Variants in MEAF6 observed in about 807,000 individuals in gnomAD.
The protein encoded by MEAF6 is chromatin modification-related protein MEAF6.
Under a neutral mutation model 28.9 loss-of-function variants are expected in MEAF6, and 15 were observed. That is an observed-to-expected ratio of 0.52 (90% CI 0.35 to 0.80). The LOEUF is 0.80. MEAF6 is among the 30% of genes least tolerant of loss of function. The pLI is 0.01. For synonymous variants in MEAF6, 97 were observed against 88.7 expected (o/e 1.09, Z -0.53); for missense variants, 178 against 237.5 (o/e 0.75, Z 1.65).
At position 37,493,953 on chromosome 1, in the gene MEAF6, G is replaced by C. The variant is rs1411597996; in HGVS notation, c.*146C>G. 7 of 1,575,270 alleles carry C rather than the reference G, an allele frequency of 4.4e-6. No individual in the cohort carries two copies. The highest frequency in any genetic ancestry group is 6.0e-6 in the Non-Finnish European group (7 of 1,163,966). On this transcript the variant is annotated 3_prime_UTR_variant, in exon 7 of 7. Transcript: ENST00000296214. The stretch of plus-strand genomic sequence containing the variant: ...AATGACTTGTTTGTCACCACATTTA[G>C]AACAAACTACTCAAAGTCACAGGCA...
intron 2 of MEAF6, among the ~76,000 whole-genome samples, chr1:37,511,599 C>A (rs1185162087): frequency 6.6e-6 from 1 of 152,162 alleles, no homozygotes; most frequent in Non-Finnish European, 1.5e-5. Context: ...AATAATAGGA[C>A]AATGTGACAT....
At position 37,513,421 on chromosome 1, in the gene MEAF6, A is replaced by T; in HGVS notation, c.206+2T>A. 6.2e-7 allele frequency: 1 copy of T among 1,611,678 alleles called. No homozygotes were observed. The highest frequency in any genetic ancestry group is 8.5e-7 in the Non-Finnish European group (1 of 1,177,834). On this transcript the variant is annotated splice_donor_variant, in intron 2 of 6. Transcript: ENST00000296214. LOFTEE classifies it high-confidence loss of function. ...GGAACACTACAGGCTTTCGACACTC[A>T]CTTTTGGTTGGTCAGATACCGATCC...
chr1:37,502,932 T>C (rs1417061515), intron 4 of MEAF6, among the ~76,000 whole-genome samples: 2 of 150,064 alleles, frequency 1.3e-5, no homozygotes, highest in Non-Finnish European at 3.0e-5. Context: ...GTAAGTTTTA[T>C]TTTATTTCAT....
intron 1 of MEAF6, 43 bp from the exon 2 acceptor site, chr1:37,513,581 G>A: frequency 6.9e-7 from 1 of 1,453,836 alleles, no homozygotes; most frequent in Non-Finnish European, 9.7e-7. Flanking sequence ...CCTTTTAAAT[G>A]CAAACACTTA....
chr1:37,507,831 A>G (rs1162331541), intron 4 of MEAF6, among the ~76,000 whole-genome samples: 5 of 152,180 alleles, frequency 3.3e-5, no homozygotes, highest in African/African-American at 1.2e-4. Context: ...TCTTAAAAAA[A>G]AAAAAAAAGA....
intron 6 of MEAF6, 131 bp from the exon 7 acceptor site, chr1:37,494,238 A>C: frequency 1.3e-6 from 1 of 790,942 alleles, no homozygotes; most frequent in Non-Finnish European, 2.1e-6. Context: ...ATTTCAGGCC[A>C]GGCACAGTGG....
Position 37,491,732 on chromosome 1 carries a change from T to A in MEAF6, c.*2367A>T, listed in dbSNP as rs1467076314. Among the ~76,000 whole-genome samples, 2 of 127,122 alleles carry A rather than the reference T, an allele frequency of 1.6e-5. No individual in the cohort carries two copies. The highest frequency in any genetic ancestry group is 8.2e-5 in the Admixed American group (1 of 12,158). 83.4% of individuals were successfully genotyped at this position (127,122 alleles called of 152,430 possible). Reference sequence around the variant, plus strand: ...TAAATAAATAAATAAATAAATAAAATATATAAATACTTAAATAATCTTTTT... The same window carrying A: ...TAAATAAATAAATAAATAAATAAAAAATATAAATACTTAAATAATCTTTTT... On this transcript the variant is annotated 3_prime_UTR_variant, in exon 7 of 7. Transcript: ENST00000296214.
chr1:37,496,881 A>G, intron 5 of MEAF6: 1 of 795,700 alleles, frequency 1.3e-6, no homozygotes, highest in Non-Finnish European at 1.8e-6. Flanking sequence ...ACATCAAAGC[A>G]CCAAAGATTT....
chr1:37,494,204 G>T (rs1028408548), intron 6 of MEAF6, 97 bp from the exon 7 acceptor site: 4 of 1,001,766 alleles, frequency 4.0e-6, no homozygotes, highest in South Asian at 1.4e-5. Context: ...TCTACTAGGG[G>T]ACTGCTCTAT....
At position 37,492,185 on chromosome 1, in the gene MEAF6, C is replaced by T. The variant is rs995997187; in HGVS notation, c.*1914G>A. Among the ~76,000 whole-genome samples, 19 of 152,190 alleles carry T rather than the reference C, an allele frequency of 1.2e-4. No individual in the cohort carries two copies. The highest frequency in any genetic ancestry group is 4.6e-4 in the African/African-American group (19 of 41,508). On this transcript the variant is annotated 3_prime_UTR_variant, in exon 7 of 7. Coordinates refer to ENST00000296214, the MANE Select transcript of MEAF6 (RefSeq NM_001270875.3). ...CTGGGACTACCGGCACCCGCCACCA[C>T]GCTCAGCTAATTTTTTGCATTTTTA...
chr1:37,495,524 C>A (rs1327998147), intron 6 of MEAF6, among the ~76,000 whole-genome samples: 2 of 150,418 alleles, frequency 1.3e-5, no homozygotes, highest in Non-Finnish European at 3.0e-5. Flanking sequence ...ATGGTGAAAC[C>A]CCATATCTAC....
At chr1:37,496,875 C>T in intron 5 of MEAF6, 1 of 807,332 alleles carries the variant, frequency 1.2e-6, no homozygotes, top group Non-Finnish European at 1.8e-6. Flanking sequence ...TATCAAACAT[C>T]AAAGCACCAA....
intron 2 of MEAF6, among the ~76,000 whole-genome samples, chr1:37,509,773 TTTAC>T (rs1642604609): frequency 1.3e-5 from 2 of 152,188 alleles, no homozygotes; most frequent in African/African-American, 4.8e-5. Flanking sequence ...TATTTATTTA[TTTAC>T]TTATTTATTT....
At chr1:37,507,085 A>C (rs1325533824) in intron 4 of MEAF6, among the ~76,000 whole-genome samples, 1 of 152,032 alleles carries the variant, frequency 6.6e-6, no homozygotes, top group East Asian at 1.9e-4. Flanking sequence ...TTTGGGAGGC[A>C]AAGGCAGATG....
intron 5 of MEAF6, among the ~76,000 whole-genome samples, chr1:37,499,934 T>C (rs1642243342): frequency 1.3e-5 from 2 of 152,206 alleles, no homozygotes; most frequent in Admixed American, 1.3e-4. Context: ...TAATCAGTAA[T>C]GGGAAAAAGT....
intron 6 of MEAF6, among the ~76,000 whole-genome samples, chr1:37,494,521 A>AG (rs1304265803): frequency 6.8e-6 from 1 of 148,130 alleles, no homozygotes; most frequent in Non-Finnish European, 1.5e-5. Flanking sequence ...GTTTCAAAAA[A>AG]AAAAAAAAAA....
chr1:37,507,210 C>T, intron 4 of MEAF6, among the ~76,000 whole-genome samples: 1 of 152,052 alleles, frequency 6.6e-6, no homozygotes, highest in Middle Eastern at 3.4e-3. Flanking sequence ...ATCCCAGCTA[C>T]TTGGGAGGCT....
At chr1:37,497,076 GAGAA>G (rs1356859933) in intron 5 of MEAF6, among the ~76,000 whole-genome samples, 3 of 152,278 alleles carry the variant, frequency 2.0e-5, no homozygotes, top group Non-Finnish European at 2.9e-5. Context: ...AGAAGAAACA[GAGAA>G]AGAAAGGTTT....
chr1:37,502,191 G>A (rs1021651054), intron 4 of MEAF6, among the ~76,000 whole-genome samples, 195 bp from the exon 5 acceptor site: 2 of 152,144 alleles, frequency 1.3e-5, no homozygotes, highest in African/African-American at 4.8e-5. Context: ...CAAAGGTCCT[G>A]AAAAAGCATG....
Sources: gnomAD v4.1 joint callset for allele counts (sites outside exome capture counted in the v4.1 genomes callset) on GRCh38, gnomAD v4.1.1 for gene constraint, MANE v1.5 for transcripts, NCBI Gene and HGNC (gene_info 2026-07-23, HGNC 2026-07-21) for gene names.